Variants in UROC1 observed in about 807,000 individuals in gnomAD.
The protein encoded by UROC1 is urocanate hydratase 1.
In UROC1, 79 loss-of-function variants were observed where a neutral mutation model predicts 89.5. That is an observed-to-expected ratio of 0.88 (90% CI 0.74 to 1.06). The LOEUF (loss-of-function observed/expected upper bound fraction) is 1.06, where lower values mean the gene tolerates loss of function less well. Ranked by LOEUF, UROC1 falls within the 50% of genes least tolerant of loss-of-function variation. UROC1 has a pLI of 0.00. For missense variants in UROC1, 885 were observed against 907.8 expected (o/e 0.97, Z 0.32); for synonymous variants, 361 against 354.8 (o/e 1.02, Z -0.20).
chr3:126,515,408 AG>A lies in UROC1; in HGVS notation c.126+2185del, dbSNP rs549694552. Among the ~76,000 whole-genome samples, 7 of 107,856 alleles carry A rather than the reference AG, an allele frequency of 6.5e-5. No individual in the cohort carries two copies. In the South Asian group the frequency reaches 2.2e-3, roughly 33 times the overall value. 70.8% of individuals were successfully genotyped at this position (107,856 alleles called of 152,430 possible). A position where few individuals can be genotyped will look rare whatever the true frequency, so the allele number is the denominator to read the frequency against. On this transcript the variant is annotated intron_variant, in intron 1 of 19. Coordinates refer to ENST00000290868, the MANE Select transcript of UROC1 (RefSeq NM_144639.3). ...CCCCGTCCAGGACCCACCACTTACC[AG>A]CCTCCCCAGCACCCAACACCTACCC...
Position 126,510,811 on chromosome 3 carries a change from G to A in UROC1, c.127-17C>T. ...CAGCGCCAGCTGGGGTAGGAGAGCGGAGAGGCAGTCGGGGCTGGGACTCCA... is the reference window on the plus strand; with the variant it reads ...CAGCGCCAGCTGGGGTAGGAGAGCGAAGAGGCAGTCGGGGCTGGGACTCCA... On this transcript the variant is annotated splice_polypyrimidine_tract_variant and intron_variant, in intron 1 of 19. Transcript: ENST00000290868. 6.2e-7 allele frequency: 1 copy of A among 1,610,886 alleles called. No homozygotes were observed. The highest frequency in any genetic ancestry group is 8.5e-7 in the Non-Finnish European group (1 of 1,179,652).
rs568833809 is a variant in UROC1, at chr3:126,482,493, A to G, written c.1891-8T>C. 45 of 1,613,828 alleles carry G rather than the reference A, an allele frequency of 2.8e-5. No individual in the cohort carries two copies. The highest frequency in any genetic ancestry group is 1.3e-4 in the Admixed American group (8 of 60,026). On this transcript the variant is annotated splice_polypyrimidine_tract_variant and splice_region_variant and intron_variant, in intron 19 of 19. Transcript: ENST00000290868. ...CCAGCAGCGCCGGGCCACCTAGGGC[A>G]AGGAGGGGGATAGCAGTCCATGTCA...
chr3:126,499,919 G>C (rs1030989019), intron 12 of UROC1, 138 bp downstream of exon 12: 2 of 799,420 alleles, frequency 2.5e-6, no homozygotes, highest in Non-Finnish European at 2.1e-6. Context: ...GCCTGGCAGA[G>C]GCACAGTGAA....
intron 18 of UROC1, among the ~76,000 whole-genome samples, chr3:126,486,791 T>A (rs1935526896): frequency 6.6e-6 from 1 of 152,106 alleles, no homozygotes; most frequent in Non-Finnish European, 1.5e-5. Context: ...GGGAGTGGCA[T>A]CCCTTTCGAG....
chr3:126,506,113 C>T, intron 6 of UROC1, 102 bp from the exon 7 acceptor site: 2 of 1,236,474 alleles, frequency 1.6e-6, no homozygotes, highest in Non-Finnish European at 2.4e-6. Context: ...ATTTAACTAC[C>T]CAATAGGCAT....
chr3:126,503,798 C>G (rs903775092), intron 9 of UROC1, among the ~76,000 whole-genome samples, 197 bp downstream of exon 9: 4 of 152,326 alleles, frequency 2.6e-5, no homozygotes, highest in Non-Finnish European at 5.9e-5. Context: ...TATCACCACC[C>G]GCGGGTCAGC....
At chr3:126,482,507 C>T in intron 19 of UROC1, 22 bp from the exon 20 acceptor site, 1 of 1,613,720 alleles carries the variant, frequency 6.2e-7, no homozygotes, top group South Asian at 1.1e-5. Context: ...AGGGGGATAG[C>T]AGTCCATGTC....
chr3:126,498,036 C>A lies in UROC1; in HGVS notation c.1438+15G>T, dbSNP rs764710122. The stretch of plus-strand genomic sequence containing the variant: ...GGGGCCACCCACCCATGGGCATCCC[C>A]ACCAATGGCGTCACCTCCATCAGCA... On this transcript the variant is annotated intron_variant, in intron 14 of 19. Transcript: ENST00000290868. The A allele has an allele frequency of 2.8e-5, 45 of 1,613,876 alleles. No individual in the cohort carries two copies. The highest frequency in any genetic ancestry group is 3.1e-5 in the Non-Finnish European group (37 of 1,180,032).
intron 18 of UROC1, among the ~76,000 whole-genome samples, chr3:126,485,594 TA>T (rs760856619): frequency 0.066 from 7,575 of 114,760 alleles, 459 homozygotes; most frequent in African/African-American, 0.18. Flanking sequence ...CCCATTTATT[TA>T]TTTATTTTTT....
At chr3:126,511,826 T>C (rs960951297) in intron 1 of UROC1, among the ~76,000 whole-genome samples, 21 of 152,230 alleles carry the variant, frequency 1.4e-4, no homozygotes, top group African/African-American at 5.1e-4. Context: ...TTGTATAAAA[T>C]TTCCATTTGC....
intron 3 of UROC1, 77 bp downstream of exon 3, chr3:126,509,508 G>C: frequency 7.5e-7 from 1 of 1,324,698 alleles, no homozygotes; most frequent in Non-Finnish European, 1.1e-6. Flanking sequence ...AAAATTAAGA[G>C]CTTAAAAGCA....
Position 126,498,247 on chromosome 3 carries a change from G to A in UROC1, c.1317-75C>T, listed in dbSNP as rs968156843. On this transcript the variant is annotated intron_variant, in intron 13 of 19. Transcript: ENST00000290868. ...AGGGGGTGCAGGTGTGAGCATGCCA[G>A]GGAGGAGGGCTCAGCATCCAGAAGT... 5.0e-6 allele frequency: 8 copies of A among 1,610,308 alleles called. No individual in the cohort carries two copies. The Admixed American group carries it at 1.0e-4, about 20-fold the overall frequency.
Position 126,510,880 on chromosome 3 carries a change from A to C in UROC1, c.127-86T>G, listed in dbSNP as rs561252837. 3.1e-5 allele frequency: 48 copies of C among 1,544,002 alleles called. No individual in the cohort carries two copies. The Admixed American group carries it at 4.5e-4, about 14-fold the overall frequency. ...CCCGCGATGGGCCATCCTCCTCCCA[A>C]ATGGATTTGTCTCTGCTCCACTCAG... On this transcript the variant is annotated intron_variant, in intron 1 of 19. Coordinates refer to ENST00000290868, the MANE Select transcript of UROC1 (RefSeq NM_144639.3).
intron 9 of UROC1, among the ~76,000 whole-genome samples, chr3:126,503,211 G>T (rs994962717): frequency 6.6e-6 from 1 of 152,206 alleles, no homozygotes; most frequent in Non-Finnish European, 1.5e-5. Flanking sequence ...TGGTATGTTA[G>T]AATGATAGGT....
At chr3:126,508,887 G>C (rs1936130985) in intron 3 of UROC1, among the ~76,000 whole-genome samples, 1 of 152,136 alleles carries the variant, frequency 6.6e-6, no homozygotes, top group Admixed American at 6.5e-5. Flanking sequence ...CTGCTCTATA[G>C]ACTGGCTCAG....
rs75704580 is a variant in UROC1 at position 126,503,953 on chromosome 3, G to T, written c.902+42C>A. 890 of 1,607,598 alleles carry T rather than the reference G, an allele frequency of 5.5e-4. 5 individuals are homozygous for T. The African/African-American group carries it at 9.7e-3, about 18-fold the overall frequency. ...TCCTCTTGTGGTCTCCTGCTGCCAC[G>T]TGTCAGGTGTCAGGTGTCCGGAGTT... On this transcript the variant is annotated intron_variant, in intron 9 of 19. Coordinates refer to ENST00000290868, the MANE Select transcript of UROC1 (RefSeq NM_144639.3).
chr3:126,502,133 T>C lies in UROC1; in HGVS notation c.903-853A>G, dbSNP rs528696935. Among the ~76,000 whole-genome samples the C allele has an allele frequency of 2.6e-5, 4 of 152,348 alleles. No individual in the cohort carries two copies. The South Asian group carries it at 8.3e-4, about 32-fold the overall frequency. On this transcript the variant is annotated intron_variant, in intron 9 of 19. Transcript: ENST00000290868. ...ACATATATATGTATATATGCGTGTA[T>C]ATGCATATGTGTATGTATGCATGTG...
chr3:126,500,307 T>G (rs1052332558), intron 11 of UROC1, among the ~76,000 whole-genome samples, 153 bp from the exon 12 acceptor site: 1 of 152,184 alleles, frequency 6.6e-6, no homozygotes, highest in African/African-American at 2.4e-5. Context: ...ACACCTGGAA[T>G]GCCCCTGCCC....
chr3:126,514,469 G>A (rs1049022803), intron 1 of UROC1, among the ~76,000 whole-genome samples: 2 of 152,144 alleles, frequency 1.3e-5, no homozygotes, highest in Non-Finnish European at 2.9e-5. Context: ...CATGCTGAGA[G>A]TGTCCTGATT....
Sources: allele counts gnomAD v4.1 joint callset (sites outside exome capture counted in the v4.1 genomes callset), GRCh38; gene constraint gnomAD v4.1.1; transcripts MANE v1.5; gene names NCBI Gene and HGNC (gene_info 2026-07-23, HGNC 2026-07-21).